The following PCOLCE2 variants were observed in gnomAD, a reference collection of about 807,000 sequenced individuals.
PCOLCE2 encodes the protein procollagen C-endopeptidase enhancer 2.
In PCOLCE2, 42 loss-of-function variants were observed where a neutral mutation model predicts 47.0. The observed-to-expected ratio is 0.89, with a 90% CI of 0.70 to 1.16. The LOEUF (loss-of-function observed/expected upper bound fraction) is 1.16, where lower values mean the gene tolerates loss of function less well. Ranked by LOEUF, PCOLCE2 falls within the 50% of genes most tolerant of loss-of-function variation. The probability of loss-of-function intolerance (pLI) is 0.00; values close to 1 mark genes in which losing one functional copy is unlikely to be tolerated. For missense variants in PCOLCE2, 500 were observed against 526.1 expected, an observed-to-expected ratio of 0.95 and a Z score of 0.49; for synonymous variants, 169 against 191.7, an observed-to-expected ratio of 0.88 and a Z score of 0.98.
At chr3:142,886,128 G>A (rs900099689) in intron 2 of PCOLCE2, among the ~76,000 whole-genome samples, 2 of 152,194 alleles carry the variant, frequency 1.3e-5, no homozygotes, top group Admixed American at 6.5e-5. Context: ...ACATCCAGAT[G>A]GAGCATCCAT....
intron 2 of PCOLCE2, among the ~76,000 whole-genome samples, chr3:142,871,839 T>C (rs1319822907): frequency 6.6e-6 from 1 of 152,228 alleles, no homozygotes; most frequent in African/African-American, 2.4e-5. Flanking sequence ...CTTGTATTAA[T>C]ATATACATAC....
intron 5 of PCOLCE2, among the ~76,000 whole-genome samples, chr3:142,834,918 CA>C (rs1443726160): frequency 4.6e-5 from 7 of 152,120 alleles, no homozygotes; most frequent in Admixed American, 4.6e-4. Context: ...AAATATCTGT[CA>C]GAACTTTTCC....
intron 2 of PCOLCE2, among the ~76,000 whole-genome samples, chr3:142,870,740 C>G (rs1428912137): frequency 8.3e-6 from 1 of 120,384 alleles, no homozygotes; most frequent in African/African-American, 3.5e-5. Flanking sequence ...ATATACTGTT[C>G]TTCTTCTCAA....
At chr3:142,845,680 A>T (rs1010918775) in intron 3 of PCOLCE2, among the ~76,000 whole-genome samples, 13 of 152,208 alleles carry the variant, frequency 8.5e-5, no homozygotes, top group Admixed American at 3.9e-4. Flanking sequence ...GCGCTTTAAA[A>T]ATACTGTGAC....
chr3:142,861,367 T>C (rs1212313397), intron 2 of PCOLCE2, among the ~76,000 whole-genome samples: 1 of 152,232 alleles, frequency 6.6e-6, no homozygotes, highest in African/African-American at 2.4e-5. Context: ...TTCTTTCTTT[T>C]TAGAACTCTC....
At chr3:142,840,190 T>C (rs915776419) in intron 4 of PCOLCE2, among the ~76,000 whole-genome samples, 5 of 152,128 alleles carry the variant, frequency 3.3e-5, no homozygotes, top group Admixed American at 3.3e-4. Context: ...TTTGAAGAGG[T>C]TGCACAGAAG....
At chr3:142,862,679 A>ATGT (rs1195328683) in intron 2 of PCOLCE2, among the ~76,000 whole-genome samples, 3 of 152,184 alleles carry the variant, frequency 2.0e-5, no homozygotes, top group Non-Finnish European at 2.9e-5. Flanking sequence ...AACATTATAA[A>ATGT]ATAATGTATA....
chr3:142,834,881 G>A (rs1418937832), intron 5 of PCOLCE2, among the ~76,000 whole-genome samples: 1 of 152,066 alleles, frequency 6.6e-6, no homozygotes, highest in Non-Finnish European at 1.5e-5. Context: ...GGAAGATTCT[G>A]TGCAGTATTA....
intron 2 of PCOLCE2, among the ~76,000 whole-genome samples, chr3:142,868,790 G>A (rs79201725): frequency 0.057 from 8,706 of 152,230 alleles, 262 homozygotes; most frequent in Non-Finnish European, 0.063. Context: ...CCCCTCCCTT[G>A]TCAAGTGTGT....
intron 2 of PCOLCE2, among the ~76,000 whole-genome samples, chr3:142,870,426 G>A (rs762664438): frequency 2.0e-5 from 3 of 152,184 alleles, no homozygotes; most frequent in African/African-American, 4.8e-5. Flanking sequence ...TGCAGCATCT[G>A]GGTAGGGTTT....
intron 8 of PCOLCE2, among the ~76,000 whole-genome samples, chr3:142,820,410 T>C (rs1936999987): frequency 6.6e-6 from 1 of 152,230 alleles, no homozygotes; most frequent in Non-Finnish European, 1.5e-5. Flanking sequence ...GGAGTAACTT[T>C]CCGTTTTTCG....
chr3:142,873,720 C>T (rs1210368175), intron 2 of PCOLCE2, among the ~76,000 whole-genome samples: 2 of 152,186 alleles, frequency 1.3e-5, no homozygotes, highest in Non-Finnish European at 2.9e-5. Flanking sequence ...TAAACCCAAA[C>T]AGCCTGCTGC....
intron 2 of PCOLCE2, among the ~76,000 whole-genome samples, chr3:142,869,240 G>A (rs920214505): frequency 1.3e-5 from 2 of 151,664 alleles, no homozygotes; most frequent in African/African-American, 2.4e-5. Context: ...GCAGTGAGCC[G>A]AGATCGCGCC....
intron 5 of PCOLCE2, among the ~76,000 whole-genome samples, chr3:142,832,589 TGG>T (rs1269956095): frequency 2.6e-5 from 4 of 152,198 alleles, no homozygotes; most frequent in Non-Finnish European, 4.4e-5. Context: ...TTGTCCAGAC[TGG>T]GCCAAAGAAC....
intron 6 of PCOLCE2, among the ~76,000 whole-genome samples, chr3:142,826,016 T>A (rs920185896): frequency 1.3e-5 from 2 of 151,816 alleles, no homozygotes; most frequent in Admixed American, 6.6e-5. Flanking sequence ...TTTTTTTTTT[T>A]CTTTTTGAGA....
intron 2 of PCOLCE2, among the ~76,000 whole-genome samples, chr3:142,883,759 T>C (rs964729472): frequency 2.6e-5 from 4 of 152,016 alleles, no homozygotes; most frequent in Non-Finnish European, 4.4e-5. Flanking sequence ...AATTCCATTA[T>C]GGGAATTATA....
intron 4 of PCOLCE2, among the ~76,000 whole-genome samples, chr3:142,839,514 T>C (rs768487035): frequency 1.3e-5 from 2 of 152,148 alleles, no homozygotes; most frequent in African/African-American, 2.4e-5. Context: ...GATTTCACCA[T>C]GTTGGCCAGT....
chr3:142,865,129 T>A (rs1015438609), intron 2 of PCOLCE2, among the ~76,000 whole-genome samples: 2 of 151,972 alleles, frequency 1.3e-5, no homozygotes, highest in African/African-American at 4.8e-5. Context: ...CTTCTTTACA[T>A]CCTCAACAAC....
intron 2 of PCOLCE2, among the ~76,000 whole-genome samples, chr3:142,880,260 T>C (rs1397891399): frequency 6.7e-6 from 1 of 149,030 alleles, no homozygotes; most frequent in Non-Finnish European, 1.5e-5. Context: ...AAGCCCACAG[T>C]TAAGATTGAA....
Sources: gnomAD v4.1 joint callset for allele counts (sites outside exome capture counted in the v4.1 genomes callset) on GRCh38, gnomAD v4.1.1 for gene constraint, MANE v1.5 for transcripts, NCBI Gene and HGNC (gene_info 2026-07-23, HGNC 2026-07-21) for gene names.